Variants in COPG2 observed in about 807,000 individuals in gnomAD.
COPG2 encodes coat protein complex I subunit gamma 2.
In COPG2, 37 loss-of-function variants were observed where a neutral mutation model predicts 46.3. That is an observed-to-expected ratio of 0.80 (90% CI 0.61 to 1.05). The LOEUF is 1.05. COPG2 is among the 50% of genes least tolerant of loss of function. The probability of loss-of-function intolerance (pLI) is 0.00; values close to 1 mark genes in which losing one functional copy is unlikely to be tolerated. For synonymous variants in COPG2, 159 were observed against 129.7 expected (o/e 1.23, Z -1.53); for missense variants, 427 against 387.8 (o/e 1.10, Z -0.85).
Position 130,611,080 on chromosome 7 carries a change from T to C in COPG2, c.610A>G (p.Arg204Gly), listed in dbSNP as rs1315283379. The change falls in exon 9 of 24, where the codon AGA (arginine) becomes GGA (glycine). Residue 204 changes from arginine (R) to glycine (G), a missense_variant. Coordinates refer to ENST00000425248, the MANE Select transcript of COPG2 (RefSeq NM_012133.6). ...YHALGVLYHL[R>G]KNDRLAVSKM... ...GAAACAGCAAGTCGATCATTCTTTC[T>C]AAGGTGATACAGGACTCCCAATGCA... The C allele has an allele frequency of 3.1e-6, 5 of 1,613,604 alleles. No homozygotes were observed. Among genetic ancestry groups the C allele is most frequent in the African/African-American group, 2.7e-5 (2 of 74,896 alleles).
chr7:130,570,978 G>A (rs1793886168), intron 9 of COPG2, among the ~76,000 whole-genome samples: 1 of 152,192 alleles, frequency 6.6e-6, no homozygotes, highest in Non-Finnish European at 1.5e-5. Context: ...AAATGATGCT[G>A]GGCTAATTGG....
At chr7:130,583,928 C>G (rs532302571) in intron 9 of COPG2, among the ~76,000 whole-genome samples, 1 of 146,740 alleles carries the variant, frequency 6.8e-6, no homozygotes, top group African/African-American at 2.5e-5. Context: ...TTCCACAAGA[C>G]AGAGAAAGAA....
At chr7:130,633,444 G>A (rs942249380) in intron 5 of COPG2, among the ~76,000 whole-genome samples, 15 of 152,182 alleles carry the variant, frequency 9.9e-5, no homozygotes, top group Admixed American at 7.2e-4. Flanking sequence ...ACTCTAAGTG[G>A]CATGAGATGG....
intron 3 of COPG2, among the ~76,000 whole-genome samples, chr7:130,664,160 T>C (rs17165036): frequency 0.013 from 1,980 of 152,266 alleles, 39 homozygotes; most frequent in African/African-American, 0.044. Context: ...ACCTCAAATA[T>C]TACCATTTCA....
At chr7:130,664,129 AAAC>A (rs1330805090) in intron 3 of COPG2, among the ~76,000 whole-genome samples, 4 of 152,174 alleles carry the variant, frequency 2.6e-5, no homozygotes, top group Non-Finnish European at 5.9e-5. Context: ...ACGTATTTCA[AAAC>A]ATCTCAAATC....
At chr7:130,513,369 A>G (rs1242944518) in intron 20 of COPG2, among the ~76,000 whole-genome samples, 10 of 47,224 alleles carry the variant, frequency 2.1e-4, no homozygotes, top group African/African-American at 3.1e-4. Flanking sequence ...GTATATATAT[A>G]TATATATGTG....
chr7:130,507,966 ATGT>A (rs1799528827), intron 21 of COPG2, 143 bp from the exon 22 acceptor site: 1 of 627,612 alleles, frequency 1.6e-6, no homozygotes, highest in Non-Finnish European at 2.9e-6. Flanking sequence ...GATAAATCTA[ATGT>A]TGTAGCCCTT....
chr7:130,508,527 G>T, intron 21 of COPG2, 35 bp downstream of exon 21: 1 of 748,756 alleles, frequency 1.3e-6, no homozygotes, highest in Non-Finnish European at 2.5e-6. Context: ...TGTTGTGAAG[G>T]TGTCAAAGAA....
At chr7:130,547,648 A>G (rs1793466744) in intron 20 of COPG2, 26 bp downstream of exon 20, 5 of 398,454 alleles carry the variant, frequency 1.3e-5, no homozygotes, top group Non-Finnish European at 1.8e-5. Context: ...TGAATCACGT[A>G]TCTCCTCCCT....
chr7:130,579,475 C>A (rs1398120038), intron 9 of COPG2, among the ~76,000 whole-genome samples: 1 of 149,964 alleles, frequency 6.7e-6, no homozygotes, highest in African/African-American at 2.4e-5. Flanking sequence ...ATCATAATGA[C>A]AGGATCAAAT....
At chr7:130,563,223 C>T (rs1279638181) in intron 11 of COPG2, 46 bp downstream of exon 11, 1 of 397,356 alleles carries the variant, frequency 2.5e-6, no homozygotes, top group African/African-American at 2.1e-5. Flanking sequence ...TAATGTTTCT[C>T]AATTAAATAC....
intron 20 of COPG2, among the ~76,000 whole-genome samples, chr7:130,546,286 T>A (rs997097265): frequency 1.2e-4 from 18 of 152,148 alleles, no homozygotes; most frequent in Non-Finnish European, 2.2e-4. Flanking sequence ...TAGAAAAAGG[T>A]AAATAAAACT....
intron 5 of COPG2, among the ~76,000 whole-genome samples, chr7:130,621,121 G>T (rs962170223): frequency 6.6e-6 from 1 of 152,160 alleles, no homozygotes; most frequent in East Asian, 1.9e-4. Context: ...AGACTGGAAT[G>T]ATGGGAAAGG....
At chr7:130,515,838 T>C (rs935337637) in intron 20 of COPG2, among the ~76,000 whole-genome samples, 10 of 151,966 alleles carry the variant, frequency 6.6e-5, no homozygotes, top group Admixed American at 6.5e-5. Flanking sequence ...TGAGGAATAC[T>C]GGGACAGGGA....
chr7:130,667,777 T>C (rs1342451082), intron 1 of COPG2, among the ~76,000 whole-genome samples: 1 of 152,230 alleles, frequency 6.6e-6, no homozygotes. Context: ...CTTCTTTCCC[T>C]GCCCTCTTTT....
At chr7:130,601,456 A>C (rs550409524) in intron 9 of COPG2, among the ~76,000 whole-genome samples, 1 of 152,370 alleles carries the variant, frequency 6.6e-6, no homozygotes, top group Non-Finnish European at 1.5e-5. Context: ...AATGTGGCAC[A>C]TATACACCAT....
chr7:130,513,323 A>ATATATATGTGTGTGTGTGTGTG (rs1799635652), intron 20 of COPG2, among the ~76,000 whole-genome samples: 1 of 48,326 alleles, frequency 2.1e-5, no homozygotes, highest in African/African-American at 8.0e-5. Flanking sequence ...ATATATATAT[A>ATATATATGTGTGTGTGTGTGTG]TATATATATA....
intron 5 of COPG2, among the ~76,000 whole-genome samples, chr7:130,625,290 T>C (rs1258033143): frequency 6.6e-6 from 1 of 152,244 alleles, no homozygotes; most frequent in Non-Finnish European, 1.5e-5. Flanking sequence ...TTGAGTTCAT[T>C]TTATTACTGA....
In COPG2 at chr7:130,513,304, AAAAAATATAT is replaced by A. The variant is rs1488025398; in HGVS notation, c.2150-4655_2150-4646del. Among the ~76,000 whole-genome samples the A allele has an allele frequency of 1.1e-3, 55 of 48,464 alleles. 1 individual carries two copies. Among genetic ancestry groups the A allele is most frequent in the African/African-American group, 4.0e-3 (52 of 12,888 alleles). 31.8% of individuals were successfully genotyped at this position (48,464 alleles called of 152,430 possible). A position where few individuals can be genotyped will look rare whatever the true frequency, so the allele number is the denominator to read the frequency against. On this transcript the variant is annotated intron_variant, in intron 20 of 23. Coordinates refer to ENST00000425248, the MANE Select transcript of COPG2 (RefSeq NM_012133.6). ...ATAATTCTGTCTAAAAAAAAAAAAA[AAAAAATATAT>A]ATATATATATATATATATATATATA... is the stretch of plus-strand genomic sequence containing the variant.
Sources: gnomAD v4.1 joint callset for allele counts (sites outside exome capture counted in the v4.1 genomes callset) on GRCh38, gnomAD v4.1.1 for gene constraint, MANE v1.5 for transcripts, NCBI Gene and HGNC (gene_info 2026-07-23, HGNC 2026-07-21) for gene names.